Variants in DNAAF1 observed in about 807,000 individuals in gnomAD.
DNAAF1 encodes the protein dynein axonemal assembly factor 1.
In DNAAF1, 65 loss-of-function variants were observed where a neutral mutation model predicts 71.1. The ratio of observed to expected loss-of-function variants is 0.91; its 90% CI spans 0.75 to 1.12. The LOEUF is 1.12. DNAAF1 is among the 50% of genes most tolerant of loss of function. The probability of loss-of-function intolerance (pLI) is 0.00; values close to 1 mark genes in which losing one functional copy is unlikely to be tolerated. For missense variants in DNAAF1, 1,178 were observed against 899.8 expected (o/e 1.31, Z -3.96); for synonymous variants, 414 against 354.6 (o/e 1.17, Z -1.88).
rs1256902294 is a variant in DNAAF1, at chr16:84,170,361, T to C, written c.1528+5T>C. The C allele has an allele frequency of 6.2e-7, 1 of 1,613,644 alleles. No individual in the cohort carries two copies. The highest frequency in any genetic ancestry group is 8.5e-7 in the Non-Finnish European group (1 of 1,180,028). ...CCCTGGGAGCTGCCAGGGAAGGTAA[T>C]GTGAGCGGAGAAACACACACAGACA... On this transcript the variant is annotated splice_donor_5th_base_variant and intron_variant, in intron 8 of 11. Coordinates refer to ENST00000378553, the MANE Select transcript of DNAAF1 (RefSeq NM_178452.6).
At chr16:84,175,689 G>A (rs1339822860) in intron 10 of DNAAF1, 2 of 547,648 alleles carry the variant, frequency 3.7e-6, no homozygotes, top group African/African-American at 1.9e-5. Flanking sequence ...TACCAGGAGG[G>A]TGAGGAATAG....
intron 3 of DNAAF1, among the ~76,000 whole-genome samples, chr16:84,151,842 C>T (rs1015853423): frequency 6.6e-6 from 1 of 152,234 alleles, no homozygotes; most frequent in Non-Finnish European, 1.5e-5. Context: ...CTTAATTTCT[C>T]ACCACATGAG....
At chr16:84,172,137 A>T in intron 8 of DNAAF1, 123 bp from the exon 9 acceptor site, 1 of 900,944 alleles carries the variant, frequency 1.1e-6, no homozygotes, top group Non-Finnish European at 1.8e-6. Flanking sequence ...TTGGCCCCCC[A>T]AAGTGTTGGG....
chr16:84,165,817 G>A lies in DNAAF1; in HGVS notation c.898G>A (p.Ala300Thr), dbSNP rs1475260393. The A allele has an allele frequency of 5.6e-6, 9 of 1,613,628 alleles. No individual in the cohort carries two copies. The highest frequency in any genetic ancestry group is 1.7e-5 in the Admixed American group (1 of 59,916). The change falls in exon 7 of 12, where the codon GCA (alanine) becomes ACA (threonine). Residue 300 changes from alanine to threonine, a missense_variant. Coordinates refer to ENST00000378553, the MANE Select transcript of DNAAF1 (RefSeq NM_178452.6). Reference protein sequence around the residue: ...CAEAWARGGYAAEKEERQQWE... With the variant: ...CAEAWARGGYTAEKEERQQWE... ...GGAGGCCTGGGCTAGGGGAGGGTAC[G>A]CAGCTGAAAAGGAGGAGAGACAGCA...
At chr16:84,175,035 T>C (rs2088579641) in intron 10 of DNAAF1, among the ~76,000 whole-genome samples, 1 of 152,138 alleles carries the variant, frequency 6.6e-6, no homozygotes, top group Non-Finnish European at 1.5e-5. Flanking sequence ...TTTGTATTTT[T>C]AGTAGAGATG....
chr16:84,146,181 C>G (rs2086897316), intron 1 of DNAAF1, among the ~76,000 whole-genome samples: 1 of 152,174 alleles, frequency 6.6e-6, no homozygotes, highest in African/African-American at 2.4e-5. Flanking sequence ...CAGCCCTAAC[C>G]CACCACGCTA....
chr16:84,149,174 T>G (rs749403706), intron 2 of DNAAF1, 32 bp downstream of exon 2: 1 of 1,613,054 alleles, frequency 6.2e-7, no homozygotes, highest in East Asian at 2.2e-5. Context: ...TAGTGCACAT[T>G]TATGGAGTAA....
chr16:84,173,956 G>C (rs2088519144), intron 9 of DNAAF1: 1 of 154,640 alleles, frequency 6.5e-6, no homozygotes, highest in Non-Finnish European at 1.4e-5. Flanking sequence ...AATGTTAATT[G>C]GTTTCTTATT....
intron 5 of DNAAF1, among the ~76,000 whole-genome samples, chr16:84,157,199 T>C (rs1431948683): frequency 6.6e-6 from 1 of 152,142 alleles, no homozygotes; most frequent in Non-Finnish European, 1.5e-5. Flanking sequence ...GATTTAACTC[T>C]CGCTATCACT....
chr16:84,175,767 C>A, intron 10 of DNAAF1, 166 bp from the exon 11 acceptor site: 3 of 839,586 alleles, frequency 3.6e-6, no homozygotes, highest in Non-Finnish European at 1.9e-6. Flanking sequence ...GGAGTGGCCA[C>A]CCCCAGGCCT....
rs963948934 is a variant in DNAAF1 at position 84,169,983 on chromosome 16, C to T, written c.1155C>T (p.Ala385=). The change falls in exon 8 of 12, where the codon GCC becomes GCT. Residue 385 remains alanine (A), a synonymous_variant. Coordinates refer to ENST00000378553, the MANE Select transcript of DNAAF1 (RefSeq NM_178452.6). The part of the protein sequence containing the change: ...MELFVKESFE[A]KDELCPEKPS... ...TATTTGTTAAGGAAAGCTTTGAGGC[C>T]AAGGACGAGCTCTGCCCGGAAAAGC... 6.2e-7 allele frequency: 1 copy of T among 1,614,002 alleles called. No homozygotes were observed. Among genetic ancestry groups the T allele is most frequent in the Middle Eastern group, 1.7e-4 (1 of 5,876 alleles).
chr16:84,154,038 G>T (rs1055505106), intron 3 of DNAAF1, among the ~76,000 whole-genome samples: 3 of 152,288 alleles, frequency 2.0e-5, no homozygotes, highest in Admixed American at 1.3e-4. Flanking sequence ...CTGATAGGCT[G>T]CCAGAGAGCC....
chr16:84,163,817 T>C (rs2087833905), intron 6 of DNAAF1, among the ~76,000 whole-genome samples: 1 of 152,084 alleles, frequency 6.6e-6, no homozygotes, highest in Non-Finnish European at 1.5e-5. Flanking sequence ...TTTGGATAAA[T>C]GCCTGTTCAG....
intron 6 of DNAAF1, among the ~76,000 whole-genome samples, chr16:84,160,856 A>G (rs1277041566): frequency 2.0e-5 from 3 of 151,912 alleles, no homozygotes; most frequent in East Asian, 1.9e-4. Context: ...AGAATGGCAT[A>G]AACCCGGGAG....
chr16:84,174,534 C>G (rs2088550645), intron 9 of DNAAF1, 135 bp from the exon 10 acceptor site: 1 of 1,562,910 alleles, frequency 6.4e-7, no homozygotes, highest in African/African-American at 1.4e-5. Flanking sequence ...GGGGAACAGG[C>G]AGGCGAGTCA....
At chr16:84,165,754 C>A (rs748210511) in intron 6 of DNAAF1, 29 bp from the exon 7 acceptor site, 2 of 1,604,420 alleles carry the variant, frequency 1.2e-6, no homozygotes, top group Non-Finnish European at 1.7e-6. Context: ...TTCACCTCCC[C>A]TATTTATGTT....
intron 6 of DNAAF1, chr16:84,162,099 G>C (rs1475989469): frequency 6.6e-6 from 1 of 152,192 alleles, no homozygotes; most frequent in East Asian, 1.9e-4. Flanking sequence ...GGCATATTCT[G>C]TCTCAGTGAC....
At position 84,155,597 on chromosome 16, in the gene DNAAF1, C is replaced by T; in HGVS notation, c.589C>T (p.Leu197=). 1.2e-6 allele frequency: 2 copies of T among 1,614,130 alleles called. No homozygotes were observed. Among genetic ancestry groups the T allele is most frequent in the Non-Finnish European group, 1.7e-6 (2 of 1,180,020 alleles). ...TTACCTTCCAGCCTGCCTCCCAGTC[C>T]TGAACACATTGCAGATGGCCCACAA... is the stretch of plus-strand genomic sequence containing the variant. ...TIENLSCLPV[L]NTLQMAHNHL... Residue 197 remains leucine (L), a synonymous_variant, in exon 5 of 12, where the codon CTG becomes TTG. Transcript: ENST00000378553.
At chr16:84,176,361 G>A (rs926623010) in intron 11 of DNAAF1, 62 bp downstream of exon 11, 1 of 1,609,108 alleles carries the variant, frequency 6.2e-7, no homozygotes, top group Non-Finnish European at 8.5e-7. Context: ...TGGGATGGGT[G>A]GGGCAGGGCA....
Sources: gnomAD v4.1 joint callset for allele counts (sites outside exome capture counted in the v4.1 genomes callset) on GRCh38, gnomAD v4.1.1 for gene constraint, MANE v1.5 for transcripts, NCBI Gene and HGNC (gene_info 2026-07-23, HGNC 2026-07-21) for gene names.